Variants in GRAMD1B observed in about 807,000 individuals in gnomAD.
The protein encoded by GRAMD1B is GRAM domain containing 1B, also known as protein Aster-B.
In GRAMD1B, 37 loss-of-function variants were observed where a neutral mutation model predicts 99.7. The ratio of observed to expected loss-of-function variants is 0.37; its 90% CI spans 0.29 to 0.49. The LOEUF (loss-of-function observed/expected upper bound fraction) is 0.49, where lower values mean the gene tolerates loss of function less well. GRAMD1B is among the 20% of genes least tolerant of loss of function. The probability of loss-of-function intolerance (pLI) is 0.98; values close to 1 mark genes in which losing one functional copy is unlikely to be tolerated. For missense variants in GRAMD1B, 888 were observed against 1,009.2 expected, an observed-to-expected ratio of 0.88 and a Z score of 1.63; for synonymous variants, 427 against 387.6, an observed-to-expected ratio of 1.10 and a Z score of -1.19.
intron 2 of GRAMD1B, among the ~76,000 whole-genome samples, chr11:123,526,444 T>TC (rs1277288947): frequency 2.0e-5 from 3 of 152,186 alleles, no homozygotes; most frequent in Admixed American, 1.3e-4. Flanking sequence ...TAAAACGTTC[T>TC]CCAACTTCGA....
At chr11:123,461,609 G>A (rs190721677) in intron 1 of GRAMD1B, among the ~76,000 whole-genome samples, 1 of 152,272 alleles carries the variant, frequency 6.6e-6, no homozygotes, top group African/African-American at 2.4e-5. Context: ...TGTTGTTGTT[G>A]TTGTTTTGTT....
chr11:123,465,787 A>C (rs1161058141), intron 1 of GRAMD1B, among the ~76,000 whole-genome samples: 1 of 151,518 alleles, frequency 6.6e-6, no homozygotes, highest in African/African-American at 2.4e-5. Context: ...AAAAAAAAAA[A>C]AGAAACACAC....
intron 1 of GRAMD1B, among the ~76,000 whole-genome samples, chr11:123,471,862 G>A (rs1283666810): frequency 6.6e-6 from 1 of 152,092 alleles, no homozygotes. Flanking sequence ...TTTGGAGAGG[G>A]GCCAAGGAAT....
At chr11:123,450,513 A>G (rs1295144024) in intron 1 of GRAMD1B, among the ~76,000 whole-genome samples, 3 of 152,216 alleles carry the variant, frequency 2.0e-5, no homozygotes, top group Non-Finnish European at 4.4e-5. Flanking sequence ...CTGTCAGCAA[A>G]TTATCAGTGC....
Position 123,603,479 on chromosome 11 carries a change from A to G in GRAMD1B, c.1104A>G (p.Glu368=). The change falls in exon 9 of 20, where the codon GAA becomes GAG. Residue 368 remains glutamate (E), a synonymous_variant. Transcript: ENST00000635736. ...WHFVHQCYGN[E]LGLTSDDEDY... is the part of the protein sequence containing the mutation. ...TTGTTCACCAGTGCTATGGGAACGA[A>G]TTGGGCCTGACCAGTGATGACGAGG... The G allele has an allele frequency of 6.2e-7, 1 of 1,613,902 alleles. No individual in the cohort carries two copies. Among genetic ancestry groups the G allele is most frequent in the Non-Finnish European group, 8.5e-7 (1 of 1,179,768 alleles).
rs573133305 is a variant in GRAMD1B at position 123,450,769 on chromosome 11, T to G, written c.374+19603T>G. ...TGGAATGCAGATGCATTTGGTGCTC[T>G]GACATCATCTAAGACCTTGGGAGAT... is the stretch of plus-strand genomic sequence containing the variant. On this transcript the variant is annotated intron_variant, in intron 1 of 19. Coordinates refer to ENST00000635736, the MANE Select transcript of GRAMD1B (RefSeq NM_001387025.1). Among the ~76,000 whole-genome samples, 153 of 152,316 alleles carry G rather than the reference T, an allele frequency of 1.0e-3. 1 individual carries two copies. The highest frequency in any genetic ancestry group is 1.8e-3 in the Non-Finnish European group (125 of 68,018).
intron 1 of GRAMD1B, among the ~76,000 whole-genome samples, chr11:123,414,654 A>C (rs555026512): frequency 6.6e-6 from 1 of 152,006 alleles, no homozygotes. Context: ...TTACTTAATC[A>C]TTATGTCCAT....
intron 1 of GRAMD1B, among the ~76,000 whole-genome samples, chr11:123,466,714 G>C (rs113788754): frequency 6.6e-6 from 1 of 152,202 alleles, no homozygotes; most frequent in African/African-American, 2.4e-5. Context: ...AGGGAGGCTG[G>C]CCTTGAGGCT....
At chr11:123,567,235 A>G (rs1947494251) in intron 2 of GRAMD1B, among the ~76,000 whole-genome samples, 1 of 152,176 alleles carries the variant, frequency 6.6e-6, no homozygotes, top group Non-Finnish European at 1.5e-5. Context: ...GAGGGAGGAA[A>G]TGGTGCAAGA....
At chr11:123,450,773 A>G (rs1255135211) in intron 1 of GRAMD1B, among the ~76,000 whole-genome samples, 3 of 152,192 alleles carry the variant, frequency 2.0e-5, no homozygotes, top group African/African-American at 4.8e-5. Flanking sequence ...GTGCTCTGAC[A>G]TCATCTAAGA....
chr11:123,430,848 A>T lies in GRAMD1B; in HGVS notation c.56A>T (p.Glu19Val). ...NRPLPALQVP[E>V]PQGAPEGSPV... ...CCGCTGCCCGCCCTGCAGGTGCCCG[A>T]GCCGCAGGGTGCGCCCGAGGGCAGC... Residue 19 changes from glutamate (E) to valine (V), a missense_variant, in exon 1 of 20, where the codon GAG (glutamate) becomes GTG (valine). Physicochemically the swap from Glu to Val is moderately radical, Grantham distance 121 (BLOSUM62 -2). Transcript: ENST00000635736. The T allele has an allele frequency of 7.1e-6, 5 of 699,974 alleles. No homozygotes were observed. The highest frequency in any genetic ancestry group is 1.3e-5 in the Non-Finnish European group (5 of 383,678). The allele number at this position is 699,974 out of a possible 1,614,324, so 43.4% of individuals were successfully genotyped here.
intron 1 of GRAMD1B, among the ~76,000 whole-genome samples, chr11:123,384,843 G>A (rs1947002240): frequency 6.6e-6 from 1 of 152,140 alleles, no homozygotes; most frequent in Non-Finnish European, 1.5e-5. Context: ...TTAGCTTGCA[G>A]GTCATATGGT....
intron 1 of GRAMD1B, among the ~76,000 whole-genome samples, chr11:123,408,629 A>T (rs1183759299): frequency 6.6e-6 from 1 of 152,264 alleles, no homozygotes. Context: ...CCCTTGAGCC[A>T]GAGGGTGTTG....
At chr11:123,571,407 A>T (rs745353589) in intron 2 of GRAMD1B, among the ~76,000 whole-genome samples, 1 of 152,212 alleles carries the variant, frequency 6.6e-6, no homozygotes, top group Non-Finnish European at 1.5e-5. Flanking sequence ...GCCTGAAGAG[A>T]GTCCTCATCC....
chr11:123,597,864 G>T, intron 7 of GRAMD1B: 1 of 764,496 alleles, frequency 1.3e-6, no homozygotes, highest in Non-Finnish European at 2.4e-6. Flanking sequence ...TCTTTAAGAG[G>T]ATTTGGTTGG....
intron 1 of GRAMD1B, among the ~76,000 whole-genome samples, chr11:123,392,895 T>C (rs549618857): frequency 2.2e-4 from 34 of 152,330 alleles, no homozygotes; most frequent in South Asian, 4.1e-4. Flanking sequence ...AATTTCAAGA[T>C]TTTTAGACGT....
At chr11:123,617,185 T>G (rs1261499449) in intron 17 of GRAMD1B, among the ~76,000 whole-genome samples, 2 of 145,064 alleles carry the variant, frequency 1.4e-5, no homozygotes, top group Non-Finnish European at 3.0e-5. Context: ...TTTTTTTTTT[T>G]GTTTGTTTGT....
chr11:123,507,158 G>A (rs903655102), intron 2 of GRAMD1B, among the ~76,000 whole-genome samples: 3 of 152,142 alleles, frequency 2.0e-5, no homozygotes, highest in Non-Finnish European at 4.4e-5. Flanking sequence ...CCATGTGTTT[G>A]TACATTTGAC....
In GRAMD1B at chr11:123,539,703, C is replaced by T. The variant is rs115405355; in HGVS notation, c.453-37664C>T. Among the ~76,000 whole-genome samples the T allele has an allele frequency of 3.0e-3, 460 of 152,300 alleles. 2 individuals are homozygous for T. The highest frequency in any genetic ancestry group is 0.011 in the African/African-American group (439 of 41,564). On this transcript the variant is annotated intron_variant, in intron 2 of 19. Transcript: ENST00000635736. ...GCATGCAGGGTGTTCTCTTGGCTGT[C>T]CCCATCCTGACTGTCCAGCCTCATC...
Sources: allele counts gnomAD v4.1 joint callset (sites outside exome capture counted in the v4.1 genomes callset), GRCh38; gene constraint gnomAD v4.1.1; transcripts MANE v1.5; gene names NCBI Gene and HGNC (gene_info 2026-07-23, HGNC 2026-07-21).